The following MTA3 variants were observed in gnomAD, a reference collection of about 807,000 sequenced individuals.
MTA3 encodes the protein metastasis associated 1 family member 3, also known as metastasis-associated protein MTA3.
Under a neutral mutation model 83.5 loss-of-function variants are expected in MTA3, and 34 were observed. That is an observed-to-expected ratio of 0.41 (90% confidence interval 0.31 to 0.54). MTA3 has a LOEUF of 0.54. Ranked by LOEUF, MTA3 falls within the 20% of genes least tolerant of loss-of-function variation. The pLI is 0.33. For missense variants in MTA3, 761 were observed against 726.4 expected, an observed-to-expected ratio of 1.05 and a Z score of -0.55; for synonymous variants, 303 against 252.7, an observed-to-expected ratio of 1.20 and a Z score of -1.89.
intron 4 of MTA3, among the ~76,000 whole-genome samples, chr2:42,614,686 A>T (rs537089782): frequency 1.3e-5 from 2 of 151,966 alleles, no homozygotes; most frequent in Non-Finnish European, 2.9e-5. Flanking sequence ...AAAATATTCT[A>T]ATATTCAGCT....
chr2:42,511,029 T>G (rs1408470195), intron 2 of MTA3, among the ~76,000 whole-genome samples: 2 of 152,210 alleles, frequency 1.3e-5, no homozygotes, highest in Non-Finnish European at 2.9e-5. Context: ...GTTCTTACCC[T>G]TCTGTCCCTC....
chr2:42,526,316 C>T (rs948498077), intron 2 of MTA3, among the ~76,000 whole-genome samples: 3 of 152,196 alleles, frequency 2.0e-5, no homozygotes, highest in Non-Finnish European at 4.4e-5. Context: ...ACTCCCATCT[C>T]AGCCTCCTGG....
At chr2:42,753,343 T>G in intron 16 of MTA3, 31 bp from the exon 17 acceptor site, 1 of 1,550,458 alleles carries the variant, frequency 6.4e-7, no homozygotes, top group Non-Finnish European at 8.7e-7. Flanking sequence ...GGGACTTGTT[T>G]AACCTTCACA....
At chr2:42,539,968 G>T (rs1676447567) in intron 2 of MTA3, among the ~76,000 whole-genome samples, 2 of 151,984 alleles carry the variant, frequency 1.3e-5, no homozygotes, top group African/African-American at 4.8e-5. Flanking sequence ...CTGTAGAATG[G>T]CTTCTTCTGC....
rs1558647995 is a variant in MTA3 at position 42,755,970 on chromosome 2, C to T, written c.*2571C>T. The T allele has an allele frequency of 1.0e-6, 1 of 985,552 alleles. No individual in the cohort carries two copies. 61.1% of individuals were successfully genotyped at this position (985,552 alleles called of 1,614,324 possible). A position where few individuals can be genotyped will look rare whatever the true frequency, so the allele number is the denominator to read the frequency against. ...TGTCGCCGGAAGGTTTCAGCCTGCC[C>T]TTCACAATTCCCCTTGTGCACAGCC... On this transcript the variant is annotated 3_prime_UTR_variant, in exon 17 of 17. Coordinates refer to ENST00000405094, the MANE Select transcript of MTA3 (RefSeq NM_001330442.2).
intron 2 of MTA3, among the ~76,000 whole-genome samples, chr2:42,539,719 C>A (rs1437575903): frequency 6.6e-6 from 1 of 151,462 alleles, no homozygotes; most frequent in Admixed American, 6.6e-5. Flanking sequence ...GTAGCTGGGA[C>A]TACAGTCATG....
intron 3 of MTA3, among the ~76,000 whole-genome samples, chr2:42,602,102 A>G (rs900029848): frequency 1.3e-5 from 2 of 152,090 alleles, no homozygotes; most frequent in Non-Finnish European, 2.9e-5. Context: ...TGGCCCCCCA[A>G]AGTGTTGGGA....
chr2:42,612,789 A>T (rs948277337), intron 4 of MTA3, among the ~76,000 whole-genome samples: 4 of 152,226 alleles, frequency 2.6e-5, no homozygotes, highest in Non-Finnish European at 4.4e-5. Flanking sequence ...TAAACCTGGG[A>T]GGTGAAGGTT....
chr2:42,629,999 C>T (rs1423673099), intron 4 of MTA3, among the ~76,000 whole-genome samples: 3 of 152,048 alleles, frequency 2.0e-5, no homozygotes, highest in African/African-American at 7.2e-5. Flanking sequence ...CCAGGGTGGT[C>T]TCCTGACCTC....
chr2:42,535,453 GT>G (rs1676185670), intron 2 of MTA3, among the ~76,000 whole-genome samples: 1 of 151,690 alleles, frequency 6.6e-6, no homozygotes, highest in African/African-American at 2.4e-5. Flanking sequence ...ATCTCACCAT[GT>G]TGCACAGGCT....
At chr2:42,679,339 G>A (rs1691660491) in intron 8 of MTA3, among the ~76,000 whole-genome samples, 1 of 152,144 alleles carries the variant, frequency 6.6e-6, no homozygotes, top group African/African-American at 2.4e-5. Flanking sequence ...CTAAGGCGGG[G>A]AATAGTGTGA....
intron 2 of MTA3, 97 bp from the exon 3 acceptor site, chr2:42,579,010 A>G: frequency 1.3e-6 from 1 of 771,410 alleles, no homozygotes. Context: ...AGTGTTAATG[A>G]GCATGATCAT....
intron 8 of MTA3, among the ~76,000 whole-genome samples, chr2:42,671,618 T>TA (rs1158842166): frequency 2.0e-5 from 3 of 152,222 alleles, no homozygotes; most frequent in South Asian, 4.1e-4. Flanking sequence ...ACATATCTTT[T>TA]AGTATGTAGT....
At chr2:42,504,882 T>A (rs1406545684) in intron 2 of MTA3, among the ~76,000 whole-genome samples, 1 of 152,096 alleles carries the variant, frequency 6.6e-6, no homozygotes, top group African/African-American at 2.4e-5. Context: ...CATTAACAGG[T>A]GCCATTATAG....
Position 42,755,800 on chromosome 2 carries a change from CAG to C in MTA3, c.*2405_*2406del. On this transcript the variant is annotated 3_prime_UTR_variant, in exon 17 of 17. Transcript: ENST00000405094. The stretch of plus-strand genomic sequence containing the variant: ...TTCAGTGAGCACATGGGTGGACGTG[CAG>C]AGACTGTCTGCGCAGCCCCCAGCAG... The C allele has an allele frequency of 2.0e-6, 2 of 985,514 alleles. No individual in the cohort carries two copies. The highest frequency in any genetic ancestry group is 2.4e-6 in the Non-Finnish European group (2 of 829,986). 61.0% of individuals were successfully genotyped at this position (985,514 alleles called of 1,614,324 possible). A position where few individuals can be genotyped will look rare whatever the true frequency, so the allele number is the denominator to read the frequency against.
intron 9 of MTA3, among the ~76,000 whole-genome samples, chr2:42,683,503 C>T (rs572339169): frequency 1.3e-5 from 2 of 152,148 alleles, no homozygotes; most frequent in East Asian, 3.9e-4. Context: ...AGGTGCATTA[C>T]GTTTATTGTG....
intron 15 of MTA3, among the ~76,000 whole-genome samples, chr2:42,721,952 G>C (rs1040699318): frequency 6.6e-6 from 1 of 152,196 alleles, no homozygotes; most frequent in Non-Finnish European, 1.5e-5. Flanking sequence ...ATTTTGGCAA[G>C]TGTGGGACTT....
At chr2:42,539,773 A>G (rs990189065) in intron 2 of MTA3, among the ~76,000 whole-genome samples, 1 of 151,748 alleles carries the variant, frequency 6.6e-6, no homozygotes, top group African/African-American at 2.4e-5. Flanking sequence ...AGGTCTCACT[A>G]TGTTGCCCAG....
At chr2:42,512,076 G>A (rs116105559) in intron 2 of MTA3, among the ~76,000 whole-genome samples, 5 of 150,294 alleles carry the variant, frequency 3.3e-5, no homozygotes, top group African/African-American at 1.2e-4. Context: ...TATTTTCTGT[G>A]GAAACCTGAG....
Sources: gnomAD v4.1 joint callset for allele counts (sites outside exome capture counted in the v4.1 genomes callset) on GRCh38, gnomAD v4.1.1 for gene constraint, MANE v1.5 for transcripts, NCBI Gene and HGNC (gene_info 2026-07-23, HGNC 2026-07-21) for gene names.